MARCHF10: variants seen among roughly 807,000 people sequenced by gnomAD.
MARCHF10 encodes probable E3 ubiquitin-protein ligase MARCHF10.
In MARCHF10, 64 loss-of-function variants were observed where a neutral mutation model predicts 76.2. The ratio of observed to expected loss-of-function variants is 0.84; its 90% CI spans 0.69 to 1.03. The LOEUF is 1.03. Ranked by LOEUF, MARCHF10 falls within the 50% of genes least tolerant of loss-of-function variation. The pLI, the probability that MARCHF10 is intolerant of heterozygous loss-of-function variation, is 0.00. For missense variants in MARCHF10, 875 were observed against 958.0 expected (o/e 0.91, Z 1.14); for synonymous variants, 340 against 357.5 (o/e 0.95, Z 0.55).
chr17:62,779,356 G>C (rs1165134339), intron 3 of MARCHF10, among the ~76,000 whole-genome samples: 1 of 152,190 alleles, frequency 6.6e-6, no homozygotes, highest in Non-Finnish European at 1.5e-5. Flanking sequence ...ATGATTCATG[G>C]AACACATATG....
chr17:62,787,752 A>G (rs936055798), intron 3 of MARCHF10, among the ~76,000 whole-genome samples: 7 of 151,128 alleles, frequency 4.6e-5, no homozygotes, highest in Admixed American at 1.3e-4. Flanking sequence ...ATGGATGGAT[A>G]GATAGATAGA....
rs1042569530 is a variant in MARCHF10 at position 62,701,421 on chromosome 17, T to G, written c.*282A>C. ...CAGTGGGACCCCAGGCCACTGGACC[T>G]GGCAGGGCTTCTGGGCTAAGGGGGC... On this transcript the variant is annotated 3_prime_UTR_variant, in exon 11 of 11. Coordinates refer to ENST00000311269, the MANE Select transcript of MARCHF10 (RefSeq NM_152598.4). 2 of 586,134 alleles carry G rather than the reference T, an allele frequency of 3.4e-6. No homozygotes were observed. The highest frequency in any genetic ancestry group is 1.9e-5 in the African/African-American group (1 of 53,596). 36.3% of individuals were successfully genotyped at this position (586,134 alleles called of 1,614,324 possible).
At chr17:62,753,715 G>A (rs1599231586) in intron 4 of MARCHF10, among the ~76,000 whole-genome samples, 1 of 152,172 alleles carries the variant, frequency 6.6e-6, no homozygotes, top group African/African-American at 2.4e-5. Context: ...CTGTCCTTCA[G>A]GATTTTCACT....
At chr17:62,795,047 C>T (rs1478967621) in intron 2 of MARCHF10, 1 of 985,134 alleles carries the variant, frequency 1.0e-6, no homozygotes, top group Non-Finnish European at 1.2e-6. Context: ...AGGAGAATCC[C>T]TCACCTCCGT....
At chr17:62,743,882 G>A (rs2091604831) in intron 5 of MARCHF10, among the ~76,000 whole-genome samples, 1 of 152,150 alleles carries the variant, frequency 6.6e-6, no homozygotes, top group Non-Finnish European at 1.5e-5. Context: ...TGAGTGCCCT[G>A]GGTCAGAGGG....
chr17:62,758,335 C>A (rs1449844512), intron 4 of MARCHF10, among the ~76,000 whole-genome samples: 1 of 152,024 alleles, frequency 6.6e-6, no homozygotes, highest in South Asian at 2.1e-4. Flanking sequence ...GGCAACAGAG[C>A]GAGACTCTGT....
chr17:62,796,975 C>G (rs2092996237), intron 2 of MARCHF10, among the ~76,000 whole-genome samples: 1 of 151,892 alleles, frequency 6.6e-6, no homozygotes, highest in Non-Finnish European at 1.5e-5. Context: ...CCTGGGCAAC[C>G]ACTGCACCCC....
chr17:62,752,332 A>G (rs1370486776), intron 4 of MARCHF10, among the ~76,000 whole-genome samples: 2 of 152,148 alleles, frequency 1.3e-5, no homozygotes, highest in African/African-American at 2.4e-5. Flanking sequence ...CCTACCAGCA[A>G]GTGCTCTGGG....
At chr17:62,749,143 G>A (rs1213662731) in intron 4 of MARCHF10, among the ~76,000 whole-genome samples, 2 of 152,120 alleles carry the variant, frequency 1.3e-5, no homozygotes, top group African/African-American at 4.8e-5. Context: ...ATCTGCCTCT[G>A]TTCTCTTGAC....
At chr17:62,760,959 T>A (rs956866459) in intron 3 of MARCHF10, among the ~76,000 whole-genome samples, 1 of 152,204 alleles carries the variant, frequency 6.6e-6, no homozygotes, top group South Asian at 2.1e-4. Flanking sequence ...TAAATTAACA[T>A]CCCTGGTACC....
chr17:62,795,359 A>G (rs2092967862), intron 2 of MARCHF10, among the ~76,000 whole-genome samples: 1 of 125,714 alleles, frequency 8.0e-6, no homozygotes, highest in Non-Finnish European at 1.6e-5. Flanking sequence ...ATTTGATCAA[A>G]AAAAAAAAAA....
intron 3 of MARCHF10, among the ~76,000 whole-genome samples, chr17:62,775,711 CTA>C (rs1332269061): frequency 6.6e-6 from 1 of 151,860 alleles, no homozygotes; most frequent in Admixed American, 6.6e-5. Context: ...GGATGAAATG[CTA>C]TATGTTATAA....
chr17:62,801,479 AGAC>A (rs1170684941), intron 2 of MARCHF10, among the ~76,000 whole-genome samples, 164 bp downstream of exon 2: 2 of 147,736 alleles, frequency 1.4e-5, no homozygotes, highest in Non-Finnish European at 3.0e-5. Context: ...TTTTTTTTAC[AGAC>A]GAGGATACAG....
rs1394813945 is a variant in MARCHF10, at chr17:62,808,292, G to C, written c.-233C>G. ...CCGCGGCGCCGGCCGGCCTTGCCTG[G>C]GGCGGAGGCGGTGGGGGCGGCTACC... On this transcript the variant is annotated 5_prime_UTR_variant, in exon 1 of 11. Transcript: ENST00000311269. 1.3e-5 allele frequency: 2 copies of C among 152,286 alleles called. No individual in the cohort carries two copies. The highest frequency in any genetic ancestry group is 2.9e-5 in the Non-Finnish European group (2 of 68,114). 9.4% of individuals were successfully genotyped at this position (152,286 alleles called of 1,614,324 possible). A position where few individuals can be genotyped will look rare whatever the true frequency, so the allele number is the denominator to read the frequency against.
chr17:62,746,647 G>C (rs1244799102), intron 4 of MARCHF10, among the ~76,000 whole-genome samples: 1 of 152,146 alleles, frequency 6.6e-6, no homozygotes, highest in Non-Finnish European at 1.5e-5. Flanking sequence ...CCAACTCATG[G>C]AGAGAAGAGG....
chr17:62,789,163 C>T (rs1423728239), intron 2 of MARCHF10, among the ~76,000 whole-genome samples: 1 of 150,314 alleles, frequency 6.7e-6, no homozygotes, highest in East Asian at 2.0e-4. Context: ...GGCATTTTGT[C>T]AAGAATGTAC....
intron 7 of MARCHF10, 71 bp downstream of exon 7, chr17:62,724,867 G>T (rs2090673239): frequency 6.4e-7 from 1 of 1,551,824 alleles, no homozygotes; most frequent in Non-Finnish European, 8.8e-7. Context: ...CAAGGCTCCG[G>T]GGCCCACACC....
At chr17:62,749,454 G>GA (rs984803082) in intron 4 of MARCHF10, among the ~76,000 whole-genome samples, 6 of 151,056 alleles carry the variant, frequency 4.0e-5, no homozygotes, top group East Asian at 1.9e-4. Flanking sequence ...ACAACTCTTT[G>GA]AAAAAAAAAG....
chr17:62,776,240 A>G (rs1474575480), intron 3 of MARCHF10, among the ~76,000 whole-genome samples: 7 of 152,350 alleles, frequency 4.6e-5, no homozygotes, highest in Non-Finnish European at 2.9e-5. Flanking sequence ...CCTCTCACAC[A>G]ATGTCTGCGC....
Sources: allele counts gnomAD v4.1 joint callset (sites outside exome capture counted in the v4.1 genomes callset), GRCh38; gene constraint gnomAD v4.1.1; transcripts MANE v1.5; gene names NCBI Gene and HGNC (gene_info 2026-07-23, HGNC 2026-07-21).